The following SMAP1 variants were observed in gnomAD, a reference collection of about 807,000 sequenced individuals.
SMAP1 encodes the protein stromal membrane-associated protein 1.
Under a neutral mutation model 58.5 loss-of-function variants are expected in SMAP1, and 24 were observed. That is an observed-to-expected ratio of 0.41 (90% CI 0.30 to 0.58). The LOEUF is 0.58. SMAP1 is among the 20% of genes least tolerant of loss of function. SMAP1 has a pLI of 0.29. For synonymous variants in SMAP1, 216 were observed against 196.6 expected, an observed-to-expected ratio of 1.10 and a Z score of -0.82; for missense variants, 563 against 566.3, an observed-to-expected ratio of 0.99 and a Z score of 0.06.
At chr6:70,771,365 A>G (rs1767297915) in intron 3 of SMAP1, among the ~76,000 whole-genome samples, 1 of 144,962 alleles carries the variant, frequency 6.9e-6, no homozygotes, top group African/African-American at 2.7e-5. Context: ...TGGAGCCTAC[A>G]GAGGCCGGCA....
At chr6:70,697,472 A>AT (rs984469445) in intron 1 of SMAP1, among the ~76,000 whole-genome samples, 2 of 151,526 alleles carry the variant, frequency 1.3e-5, no homozygotes, top group African/African-American at 4.8e-5. Context: ...CACCCAGCTA[A>AT]TTTTTTTGTA....
At chr6:70,697,024 A>G (rs1173778479) in intron 1 of SMAP1, among the ~76,000 whole-genome samples, 3 of 151,964 alleles carry the variant, frequency 2.0e-5, no homozygotes, top group Non-Finnish European at 2.9e-5. Context: ...CTTGAAATCT[A>G]TTTTGTCCAA....
intron 3 of SMAP1, among the ~76,000 whole-genome samples, chr6:70,771,159 A>G (rs1025481200): frequency 1.3e-5 from 2 of 152,124 alleles, no homozygotes; most frequent in Non-Finnish European, 2.9e-5. Context: ...GTCTGCCCCT[A>G]CTGGGGGGTG....
intron 1 of SMAP1, among the ~76,000 whole-genome samples, chr6:70,686,938 A>G (rs1449372227): frequency 6.6e-6 from 1 of 152,190 alleles, no homozygotes; most frequent in African/African-American, 2.4e-5. Flanking sequence ...CTGTTTGAGA[A>G]ATATTGACCT....
At chr6:70,673,990 GATAT>G (rs138893285) in intron 1 of SMAP1, among the ~76,000 whole-genome samples, 3 of 151,190 alleles carry the variant, frequency 2.0e-5, no homozygotes, top group Non-Finnish European at 4.4e-5. Flanking sequence ...TGCTGTACAA[GATAT>G]ATATATATAT....
At chr6:70,757,639 C>A (rs1416207573) in intron 3 of SMAP1, among the ~76,000 whole-genome samples, 10 of 151,930 alleles carry the variant, frequency 6.6e-5, no homozygotes, top group Admixed American at 4.6e-4. Context: ...GGGCTAATAT[C>A]CAGAATCTAC....
At chr6:70,711,971 T>G (rs969417391) in intron 1 of SMAP1, among the ~76,000 whole-genome samples, 1 of 152,214 alleles carries the variant, frequency 6.6e-6, no homozygotes, top group South Asian at 2.1e-4. Flanking sequence ...CTGTGTTCAA[T>G]AGAAGTGGTG....
At chr6:70,858,536 G>GA (rs1771546544) in intron 10 of SMAP1, 1 of 214,046 alleles carries the variant, frequency 4.7e-6, no homozygotes, top group African/African-American at 2.3e-5. Context: ...CAGGCATCAT[G>GA]AGACTCCCTC....
chr6:70,686,349 G>C (rs566143617), intron 1 of SMAP1, among the ~76,000 whole-genome samples: 80 of 152,084 alleles, frequency 5.3e-4, no homozygotes, highest in African/African-American at 1.8e-3. Context: ...TTTTCTCTTG[G>C]GATTCTGACA....
At chr6:70,805,039 G>A (rs1296979955) in intron 6 of SMAP1, among the ~76,000 whole-genome samples, 3 of 151,488 alleles carry the variant, frequency 2.0e-5, no homozygotes, top group Non-Finnish European at 2.9e-5. Context: ...GAATTTGAAT[G>A]TTGGCCTGTC....
intron 7 of SMAP1, among the ~76,000 whole-genome samples, chr6:70,842,285 C>T (rs1770833632): frequency 6.6e-6 from 1 of 152,086 alleles, no homozygotes; most frequent in Admixed American, 6.5e-5. Flanking sequence ...CTATTATTAC[C>T]CTTTCAAAAA....
intron 1 of SMAP1, among the ~76,000 whole-genome samples, chr6:70,692,395 ACTTTGTTGTTTC>A (rs1393587156): frequency 6.6e-6 from 1 of 152,070 alleles, no homozygotes; most frequent in African/African-American, 2.4e-5. Flanking sequence ...TTGTCTCTTC[ACTTTGTTGTTTC>A]CTTTGTTGTG....
chr6:70,677,709 T>C (rs915619324), intron 1 of SMAP1, among the ~76,000 whole-genome samples: 6 of 152,298 alleles, frequency 3.9e-5, no homozygotes, highest in Non-Finnish European at 7.3e-5. Flanking sequence ...TATTGAGATA[T>C]GGATTGTCAT....
intron 7 of SMAP1, 138 bp from the exon 8 acceptor site, chr6:70,852,396 GGGGGTA>G: frequency 2.8e-6 from 2 of 710,662 alleles, no homozygotes; most frequent in Non-Finnish European, 4.1e-6. Flanking sequence ...AAAGGGGATC[GGGGGTA>G]GGTAGAAGGA....
intron 2 of SMAP1, among the ~76,000 whole-genome samples, chr6:70,754,720 A>G (rs565674168): frequency 1.3e-5 from 2 of 152,218 alleles, no homozygotes; most frequent in East Asian, 3.9e-4. Flanking sequence ...TAAAGGTGGT[A>G]CTGTTTTCAC....
intron 7 of SMAP1, chr6:70,837,841 C>CAA (rs1312703192): frequency 3.1e-6 from 4 of 1,270,112 alleles, no homozygotes; most frequent in Non-Finnish European, 4.1e-6. Context: ...GAAGAGTTGA[C>CAA]CTTCATGTAC....
At chr6:70,682,194 T>TG (rs1333459746) in intron 1 of SMAP1, among the ~76,000 whole-genome samples, 13 of 94,310 alleles carry the variant, frequency 1.4e-4, no homozygotes, top group South Asian at 3.9e-4. Context: ...TTTTTTTTTT[T>TG]TTTTTTTTTT....
In SMAP1 at chr6:70,677,509, G is replaced by T. The variant is rs1457088960; in HGVS notation, c.118+9368G>T. Among the ~76,000 whole-genome samples, 67 of 136,430 alleles carry T rather than the reference G, an allele frequency of 4.9e-4. 1 individual carries two copies. The highest frequency in any genetic ancestry group is 1.8e-3 in the African/African-American group (64 of 36,194). 89.5% of individuals were successfully genotyped at this position (136,430 alleles called of 152,430 possible). On this transcript the variant is annotated intron_variant, in intron 1 of 10. Transcript: ENST00000370455. ...TCTCGGCTCATTGCAAACTCTGCCT[G>T]CCGGGTTGATGCCATTCTTCTGCCT...
intron 10 of SMAP1, 62 bp from the exon 11 acceptor site, chr6:70,860,138 A>G (rs1345171703): frequency 3.3e-6 from 5 of 1,505,830 alleles, no homozygotes; most frequent in Admixed American, 2.3e-5. Context: ...CTGTGTGGCT[A>G]AAGAAACAAG....
Sources: gnomAD v4.1 joint callset for allele counts (sites outside exome capture counted in the v4.1 genomes callset) on GRCh38, gnomAD v4.1.1 for gene constraint, MANE v1.5 for transcripts, NCBI Gene and HGNC (gene_info 2026-07-23, HGNC 2026-07-21) for gene names.